Variants in IPO7 observed in about 807,000 individuals in gnomAD.
The protein encoded by IPO7 is importin 7, also known as importin-7.
IPO7 carries 13 observed loss-of-function variants against 136.4 expected under a neutral mutation model. The observed-to-expected ratio is 0.10, with a 90% CI of 0.06 to 0.15. IPO7 has a LOEUF of 0.15. Ranked by LOEUF, IPO7 falls within the 10% of genes least tolerant of loss-of-function variation. The pLI, the probability that IPO7 is intolerant of heterozygous loss-of-function variation, is 1.00. For synonymous variants in IPO7, 403 were observed against 404.4 expected (o/e 1.00, Z 0.04); for missense variants, 857 against 1,240.6 (o/e 0.69, Z 4.65).
chr11:9,401,181 C>CA (rs1174359208), intron 1 of IPO7, among the ~76,000 whole-genome samples: 238 of 119,476 alleles, frequency 2.0e-3, no homozygotes, highest in Middle Eastern at 4.6e-3. Context: ...AATTCTGTCT[C>CA]AAAAAAAAAA....
At chr11:9,430,521 T>TAA (rs1855278799) in intron 15 of IPO7, 2 of 181,842 alleles carry the variant, frequency 1.1e-5, no homozygotes, top group African/African-American at 4.7e-5. Context: ...CCTTGATGAT[T>TAA]AAATATACTT....
chr11:9,387,030 T>C lies in IPO7; in HGVS notation c.84+2183T>C, dbSNP rs1468144891. Reference sequence around the variant, plus strand: ...TTCTTCCATTTAAATATTTTTTGCTTTGACTTTCTTGTGGCAGAACATTGA... The same window carrying C: ...TTCTTCCATTTAAATATTTTTTGCTCTGACTTTCTTGTGGCAGAACATTGA... On this transcript the variant is annotated intron_variant, in intron 1 of 24. Transcript: ENST00000379719. Among the ~76,000 whole-genome samples the C allele has an allele frequency of 4.6e-5, 7 of 152,238 alleles. No homozygotes were observed. The East Asian group carries it at 1.3e-3, about 29-fold the overall frequency.
chr11:9,421,046 C>T (rs905103804), intron 8 of IPO7, among the ~76,000 whole-genome samples: 1 of 152,044 alleles, frequency 6.6e-6, no homozygotes, highest in Admixed American at 6.5e-5. Flanking sequence ...GCAACTTCTG[C>T]CTCCCAGGTT....
chr11:9,407,762 T>A (rs1854907463), intron 2 of IPO7, among the ~76,000 whole-genome samples: 2 of 152,196 alleles, frequency 1.3e-5, no homozygotes, highest in Non-Finnish European at 2.9e-5. Context: ...TAAGAATTAA[T>A]TTTGGACAGT....
At position 9,429,021 on chromosome 11, in the gene IPO7, T is replaced by C. The variant is rs1350393764; in HGVS notation, c.1426-10T>C. The C allele has an allele frequency of 1.2e-6, 2 of 1,612,380 alleles. No homozygotes were observed. Among genetic ancestry groups the C allele is most frequent in the African/African-American group, 2.7e-5 (2 of 74,866 alleles). ...GGTATCTACAGTAACTCACTGTGTT[T>C]TTACAAAAGGCTTGCTGGGTACTTC... On this transcript the variant is annotated splice_polypyrimidine_tract_variant and intron_variant, in intron 13 of 24. Transcript: ENST00000379719.
At chr11:9,433,677 C>T (rs1018368722) in intron 17 of IPO7, 41 bp downstream of exon 17, 9 of 1,612,778 alleles carry the variant, frequency 5.6e-6, no homozygotes, top group Non-Finnish European at 4.2e-6. Flanking sequence ...AGTGCTATTT[C>T]ACATGAGCAA....
At chr11:9,430,671 A>C (rs1004941306) in intron 15 of IPO7, 86 of 514,064 alleles carry the variant, frequency 1.7e-4, no homozygotes, top group African/African-American at 1.5e-3. Flanking sequence ...AAAGGTCAAG[A>C]GAAGTCAAGT....
intron 8 of IPO7, 109 bp downstream of exon 8, chr11:9,420,807 T>C (rs1855116343): frequency 2.8e-6 from 2 of 710,368 alleles, no homozygotes; most frequent in East Asian, 2.6e-5. Flanking sequence ...GTTTGGACCC[T>C]GTACCAGGTC....
Position 9,437,821 on chromosome 11 carries a change from G to T in IPO7, c.2336G>T (p.Arg779Leu). ...LTREVKTSEL[R>L]TMCLQVAIAA... is the part of the protein sequence containing the mutation. ...AGAGAGGTTAAGACAAGTGAACTTC[G>T]AACTATGTGTCTGCAAGTTGCAATT... The change falls in exon 21 of 25, where the codon CGA (arginine) becomes CTA (leucine). Residue 779 changes from arginine to leucine, a missense_variant. Physicochemically the swap from Arg to Leu is moderately radical, Grantham distance 102. Transcript: ENST00000379719. 1 of 1,613,986 alleles carries T rather than the reference G, an allele frequency of 6.2e-7. No homozygotes were observed. Among genetic ancestry groups the T allele is most frequent in the Non-Finnish European group, 8.5e-7 (1 of 1,179,952 alleles).
At chr11:9,437,569 A>G (rs1393410094) in intron 20 of IPO7, among the ~76,000 whole-genome samples, 185 bp from the exon 21 acceptor site, 1 of 152,230 alleles carries the variant, frequency 6.6e-6, no homozygotes, top group East Asian at 1.9e-4. Context: ...TGAGCTTTTA[A>G]TAGCTCCATG....
At chr11:9,410,421 C>T (rs928787830) in intron 4 of IPO7, among the ~76,000 whole-genome samples, 3 of 152,110 alleles carry the variant, frequency 2.0e-5, no homozygotes, top group African/African-American at 7.2e-5. Flanking sequence ...GATCAGAATA[C>T]ATTGAGGATT....
chr11:9,385,579 G>T (rs1854541426), intron 1 of IPO7, among the ~76,000 whole-genome samples: 1 of 152,202 alleles, frequency 6.6e-6, no homozygotes, highest in Non-Finnish European at 1.5e-5. Flanking sequence ...CCTTGGGCCA[G>T]TCGCTTAACC....
intron 8 of IPO7, among the ~76,000 whole-genome samples, chr11:9,422,679 G>A (rs750640366): frequency 1.8e-4 from 27 of 152,072 alleles, no homozygotes; most frequent in Non-Finnish European, 3.8e-4. Context: ...TAGGTGTGGT[G>A]ACTTACACCT....
chr11:9,445,333 T>G lies in IPO7; in HGVS notation c.*139T>G. 3.7e-6 allele frequency: 1 copy of G among 270,238 alleles called. No homozygotes were observed. The highest frequency in any genetic ancestry group is 6.9e-6 in the Non-Finnish European group (1 of 145,788). 16.7% of individuals were successfully genotyped at this position (270,238 alleles called of 1,614,324 possible). ...CAAAAGAAACAACAACCCCAGGAGATGGGACCTGATCATGCAACCTGGCAC... is the reference window on the plus strand; with the variant it reads ...CAAAAGAAACAACAACCCCAGGAGAGGGGACCTGATCATGCAACCTGGCAC... On this transcript the variant is annotated 3_prime_UTR_variant, in exon 25 of 25. Coordinates refer to ENST00000379719, the MANE Select transcript of IPO7 (RefSeq NM_006391.3).
In IPO7 at chr11:9,423,052, C is replaced by A; in HGVS notation, c.953C>A (p.Ala318Asp). The A allele has an allele frequency of 6.2e-7, 1 of 1,603,426 alleles. No homozygotes were observed. Among genetic ancestry groups the A allele is most frequent in the South Asian group, 1.1e-5 (1 of 90,416 alleles). The change falls in exon 9 of 25, where the codon GCT becomes GAT. Residue 318 changes from alanine (A) to aspartate (D), a missense_variant. Transcript: ENST00000379719. Reference sequence around the variant, plus strand: ...CAGTACAAGGAGAAGCAATATATGGCTCCTCGAGTTTTACAACAGACATTA... The same window carrying A: ...CAGTACAAGGAGAAGCAATATATGGATCCTCGAGTTTTACAACAGACATTA... The part of the protein sequence containing the change: ...LYQYKEKQYM[A>D]PRVLQQTLNY...
rs746784966 is a variant in IPO7, at chr11:9,423,121, A to G, written c.1022A>G (p.Asn341Ser). 3.0e-5 allele frequency: 47 copies of G among 1,578,406 alleles called. No homozygotes were observed. The highest frequency in any genetic ancestry group is 4.1e-5 in the Non-Finnish European group (47 of 1,153,812). Reference protein sequence around the residue: ...QGVSHALTWKNLKPHIQGIIQ... With the variant: ...QGVSHALTWKSLKPHIQGIIQ... Reference sequence around the variant, plus strand: ...GTTTCTCATGCTCTCACCTGGAAGAATCTGAAGCCCCATATACAAGTAATA... The same window carrying G: ...GTTTCTCATGCTCTCACCTGGAAGAGTCTGAAGCCCCATATACAAGTAATA... Residue 341 changes from asparagine (N) to serine (S), a missense_variant, in exon 9 of 25, where the codon AAT becomes AGT. Around this residue, in one of 11 missense-constraint regions of IPO7, gnomAD observed 127 missense variants for 222.4 expected, o/e 0.57. Coordinates refer to ENST00000379719, the MANE Select transcript of IPO7 (RefSeq NM_006391.3).
intron 20 of IPO7, 79 bp from the exon 21 acceptor site, chr11:9,437,675 A>G (rs1158705427): frequency 9.6e-7 from 1 of 1,042,812 alleles, no homozygotes; most frequent in African/African-American, 1.6e-5. Flanking sequence ...TAATTGAGGC[A>G]ACAAAGAAGT....
At chr11:9,406,969 A>T (rs1040217450) in intron 2 of IPO7, among the ~76,000 whole-genome samples, 4 of 152,238 alleles carry the variant, frequency 2.6e-5, no homozygotes, top group African/African-American at 4.8e-5. Context: ...TCGAATGATT[A>T]GTTCATTCTG....
intron 15 of IPO7, 81 bp downstream of exon 15, chr11:9,429,915 G>A: frequency 9.6e-7 from 1 of 1,038,524 alleles, no homozygotes. Flanking sequence ...CCAGTGGCTT[G>A]CCTTACCTTA....
Sources: allele counts gnomAD v4.1 joint callset (sites outside exome capture counted in the v4.1 genomes callset), GRCh38; gene constraint gnomAD v4.1.1; regional missense constraint gnomAD v4.1.1; transcripts MANE v1.5; gene names NCBI Gene and HGNC (gene_info 2026-07-23, HGNC 2026-07-21).